TBC1D16: variants seen among roughly 807,000 people sequenced by gnomAD.
The protein encoded by TBC1D16 is TBC1 domain family member 16.
Under a neutral mutation model 74.7 loss-of-function variants are expected in TBC1D16, and 58 were observed. The observed-to-expected ratio is 0.78, with a 90% CI of 0.63 to 0.97. TBC1D16 has a LOEUF of 0.97. Ranked by LOEUF, TBC1D16 falls within the 50% of genes least tolerant of loss-of-function variation. The pLI is 0.00. For missense variants in TBC1D16, 1,014 were observed against 1,079.5 expected (o/e 0.94, Z 0.85); for synonymous variants, 493 against 474.7 (o/e 1.04, Z -0.50).
At chr17:79,960,995 G>A (rs2143907446) in intron 3 of TBC1D16, among the ~76,000 whole-genome samples, 1 of 152,132 alleles carries the variant, frequency 6.6e-6, no homozygotes, top group Non-Finnish European at 1.5e-5. Context: ...AAAATACATG[G>A]AAAATGTTCA....
intron 10 of TBC1D16, 59 bp from the exon 11 acceptor site, chr17:79,942,265 A>AG: frequency 6.6e-7 from 1 of 1,521,696 alleles, no homozygotes; most frequent in Non-Finnish European, 8.9e-7. Context: ...CCCTGCACTC[A>AG]GGGGGAAACT....
chr17:79,946,501 G>C (rs549532290), intron 9 of TBC1D16, among the ~76,000 whole-genome samples: 1 of 152,298 alleles, frequency 6.6e-6, no homozygotes, highest in South Asian at 2.1e-4. Flanking sequence ...CCCATTCTAT[G>C]AGACACACTC....
At position 79,936,807 on chromosome 17, in the gene TBC1D16, T is replaced by C. The variant is rs1440955212; in HGVS notation, c.*4052A>G. On this transcript the variant is annotated 3_prime_UTR_variant, in exon 12 of 12. Coordinates refer to ENST00000310924, the MANE Select transcript of TBC1D16 (RefSeq NM_019020.4). ...GCTCATTCCCTGGGGACTCCAAGAA[T>C]GGGGCAGGCCCAGCTGCGCAGCCAG... The C allele has an allele frequency of 6.6e-6, 1 of 152,148 alleles. No homozygotes were observed. Among genetic ancestry groups the C allele is most frequent in the African/African-American group, 2.4e-5 (1 of 41,370 alleles). The allele number at this position is 152,148 out of a possible 1,614,324, so 9.4% of individuals were successfully genotyped here.
intron 3 of TBC1D16, among the ~76,000 whole-genome samples, chr17:80,006,145 G>A (rs563195694): frequency 6.6e-6 from 1 of 152,084 alleles, no homozygotes; most frequent in Non-Finnish European, 1.5e-5. Flanking sequence ...TGGGGTCCTC[G>A]GCCCTGACAC....
At position 80,024,825 on chromosome 17, in the gene TBC1D16, C is replaced by T. The variant is rs943071783; in HGVS notation, c.-63+10970G>A. ...CATAGGCACATACACCATAGACACA[C>T]GCACTACATACACACCGTAGACACA... On this transcript the variant is annotated intron_variant, in intron 1 of 11. Coordinates refer to ENST00000310924, the MANE Select transcript of TBC1D16 (RefSeq NM_019020.4). 3.4e-5 allele frequency among the ~76,000 whole-genome samples: 5 copies of T among 147,514 alleles called. 1 individual carries two copies. The highest frequency in any genetic ancestry group is 8.0e-5 in the African/African-American group (3 of 37,676).
At chr17:80,014,831 T>G (rs1024329488) in intron 1 of TBC1D16, among the ~76,000 whole-genome samples, 2 of 152,146 alleles carry the variant, frequency 1.3e-5, no homozygotes, top group African/African-American at 4.8e-5. Flanking sequence ...CCTTGAACCC[T>G]GGCCATAGGT....
chr17:79,972,976 G>A (rs1335434103), intron 3 of TBC1D16, among the ~76,000 whole-genome samples: 1 of 152,160 alleles, frequency 6.6e-6, no homozygotes, highest in East Asian at 1.9e-4. Context: ...CAGCTGCTCA[G>A]GAGGCTGAAG....
At chr17:80,024,116 G>A (rs1164654886) in intron 1 of TBC1D16, 9 of 150,284 alleles carry the variant, frequency 6.0e-5, no homozygotes, top group Non-Finnish European at 1.3e-4. Context: ...CGCAGCTCCG[G>A]GCCAGACGGT....
At chr17:79,960,064 A>G (rs1482773723) in intron 3 of TBC1D16, among the ~76,000 whole-genome samples, 1 of 150,682 alleles carries the variant, frequency 6.6e-6, no homozygotes, top group Non-Finnish European at 1.5e-5. Flanking sequence ...ACCATAAGTG[A>G]AAAAAAAAAT....
At chr17:79,959,156 A>G (rs1465471304) in intron 3 of TBC1D16, among the ~76,000 whole-genome samples, 1 of 152,254 alleles carries the variant, frequency 6.6e-6, no homozygotes, top group African/African-American at 2.4e-5. Context: ...TAGCAAAAAA[A>G]TCCCCACATA....
chr17:79,999,487 G>A (rs994597989), intron 3 of TBC1D16, among the ~76,000 whole-genome samples: 62 of 150,658 alleles, frequency 4.1e-4, no homozygotes, highest in African/African-American at 1.3e-3. Flanking sequence ...AACACCAGAG[G>A]GATCAAAGAT....
At chr17:80,014,069 T>C (rs1017215552) in intron 1 of TBC1D16, among the ~76,000 whole-genome samples, 1 of 151,952 alleles carries the variant, frequency 6.6e-6, no homozygotes, top group African/African-American at 2.4e-5. Context: ...TAAAAAGAAA[T>C]AAACAGGCAA....
rs2034931087 is a variant in TBC1D16, at chr17:79,988,480, A to G, written c.779+21680T>C. 6.6e-6 allele frequency among the ~76,000 whole-genome samples: 1 copy of G among 152,252 alleles called. No individual in the cohort carries two copies. Among genetic ancestry groups the G allele is most frequent in the African/African-American group, 2.4e-5 (1 of 41,476 alleles). On this transcript the variant is annotated intron_variant, in intron 3 of 11. Transcript: ENST00000310924. This position sits in a 1 kb window ranked among gnomAD's most constrained non-coding sequence, Gnocchi z 5.7. The stretch of plus-strand genomic sequence containing the variant: ...GCAGAGGGGGCAGCAACCGGACGGA[A>G]GCTGCCCAATCATAAGACCATGGCT...
At chr17:80,015,459 T>A (rs1461416112) in intron 1 of TBC1D16, among the ~76,000 whole-genome samples, 1 of 150,784 alleles carries the variant, frequency 6.6e-6, no homozygotes, top group Admixed American at 6.6e-5. Context: ...ATAAAAAAAA[T>A]AAAAGACAGG....
chr17:79,943,769 T>G (rs971437150), intron 10 of TBC1D16: 2 of 1,187,500 alleles, frequency 1.7e-6, no homozygotes, highest in Non-Finnish European at 1.1e-6. Context: ...TAGGTGTCCA[T>G]GGGAAAGGGA....
chr17:79,944,841 A>G lies in TBC1D16; in HGVS notation c.1908+67T>C, dbSNP rs2032371431. On this transcript the variant is annotated intron_variant, in intron 10 of 11. Transcript: ENST00000310924. The surrounding 1 kb of genome is among the most constrained non-coding windows in gnomAD (Gnocchi z 7.7). ...GGCGAGGCGGACAGGGGCAGCAGGC[A>G]GGGTGGCCACGGTGGTTCAGGGGCC... 2.1e-6 allele frequency: 3 copies of G among 1,397,902 alleles called. No individual in the cohort carries two copies. The highest frequency in any genetic ancestry group is 2.5e-5 in the Admixed American group (1 of 40,654). The allele number at this position is 1,397,902 out of a possible 1,614,324, so 86.6% of individuals were successfully genotyped here.
rs1013774876 is a variant in TBC1D16, at chr17:80,035,219, GTTCT to G, written c.-63+572_-63+575del. Among the ~76,000 whole-genome samples the G allele has an allele frequency of 1.0e-4, 15 of 143,854 alleles. No individual in the cohort carries two copies. Among genetic ancestry groups the G allele is most frequent in the South Asian group, 2.2e-4 (1 of 4,572 alleles). The allele number at this position is 143,854 out of a possible 152,430, so 94.4% of individuals were successfully genotyped here. A position where few individuals can be genotyped will look rare whatever the true frequency, so the allele number is the denominator to read the frequency against. The stretch of plus-strand genomic sequence containing the variant: ...TTCCTTTTTTTCTTTCCTTCCTTTC[GTTCT>G]TTCTTTCTTTTTCTTTTTTTTTTTT... On this transcript the variant is annotated intron_variant, in intron 1 of 11. Transcript: ENST00000310924. This position sits in a 1 kb window ranked among gnomAD's most constrained non-coding sequence, Gnocchi z 5.3.
At chr17:79,952,292 G>T in intron 4 of TBC1D16, 1 of 195,414 alleles carries the variant, frequency 5.1e-6, no homozygotes, top group Non-Finnish European at 1.0e-5. Flanking sequence ...GGAAAGCTGC[G>T]GCCCGTCCCG....
rs368367986 is a variant in TBC1D16, at chr17:79,968,144, C to T, written c.780-15326G>A. 4.6e-5 allele frequency among the ~76,000 whole-genome samples: 7 copies of T among 152,328 alleles called. No homozygotes were observed. In the East Asian group the frequency reaches 7.7e-4, roughly 17 times the overall value. On this transcript the variant is annotated intron_variant, in intron 3 of 11. Coordinates refer to ENST00000310924, the MANE Select transcript of TBC1D16 (RefSeq NM_019020.4). The stretch of plus-strand genomic sequence containing the variant: ...AGTAGCTGGGATTACAGGCGTGCGC[C>T]ACCATACCCAGTTAATTTTTGTATT...
Sources: allele counts gnomAD v4.1 joint callset (sites outside exome capture counted in the v4.1 genomes callset), GRCh38; gene constraint gnomAD v4.1.1; non-coding constraint Gnocchi (gnomAD v3.1); transcripts MANE v1.5; gene names NCBI Gene and HGNC (gene_info 2026-07-23, HGNC 2026-07-21).